ZSCAN1: variants seen among roughly 807,000 people sequenced by gnomAD.
The protein encoded by ZSCAN1 is zinc finger and SCAN domain-containing protein 1.
ZSCAN1 carries 23 observed loss-of-function variants against 23.8 expected under a neutral mutation model. The ratio of observed to expected loss-of-function variants is 0.97; its 90% CI spans 0.70 to 1.37. The LOEUF (loss-of-function observed/expected upper bound fraction) is 1.37. ZSCAN1 is among the 40% of genes most tolerant of loss of function. ZSCAN1 has a pLI of 0.00. For missense variants in ZSCAN1, 575 were observed against 554.0 expected, an observed-to-expected ratio of 1.04 and a Z score of -0.38; for synonymous variants, 236 against 232.3, an observed-to-expected ratio of 1.02 and a Z score of -0.15.
At chr19:58,035,942 TTTG>T (rs144639658) in intron 1 of ZSCAN1, 25 bp from the exon 2 acceptor site, 101,908 of 151,772 alleles carry the variant, frequency 0.67, 34,514 homozygotes, top group Non-Finnish European at 0.71. Flanking sequence ...GATGTCTTGT[TTTG>T]TTTTGTTTTT....
At position 58,045,502 on chromosome 19, in the gene ZSCAN1, G is replaced by C; in HGVS notation, c.465+4958G>C. On this transcript the variant is annotated intron_variant, in intron 4 of 5. Coordinates refer to ENST00000282326, the MANE Select transcript of ZSCAN1 (RefSeq NM_182572.4). The surrounding 1 kb of genome is among the most constrained non-coding windows in gnomAD (Gnocchi z 4.3). ...AGGCCCAGCAATGAGGAAATCATGG[G>C]TTTTTCCAAATTATTTGAGGATGAG... is the stretch of plus-strand genomic sequence containing the variant. The C allele has an allele frequency of 7.2e-7, 1 of 1,395,748 alleles. No individual in the cohort carries two copies. Among genetic ancestry groups the C allele is most frequent in the South Asian group, 1.2e-5 (1 of 86,760 alleles). 86.5% of individuals were successfully genotyped at this position (1,395,748 alleles called of 1,614,324 possible). A position where few individuals can be genotyped will look rare whatever the true frequency, so the allele number is the denominator to read the frequency against.
chr19:58,038,305 G>C, intron 3 of ZSCAN1, 99 bp downstream of exon 3: 1 of 1,467,590 alleles, frequency 6.8e-7, no homozygotes, highest in Non-Finnish European at 9.1e-7. Flanking sequence ...TCCCACCCCT[G>C]CCCGGCCCCT....
At chr19:58,055,883 T>C (rs944541147), downstream of ZSCAN1, among the ~76,000 whole-genome samples, 5 of 152,152 alleles carry the variant, frequency 3.3e-5, no homozygotes, top group African/African-American at 7.2e-5. Flanking sequence ...AGTTCTCCAA[T>C]TGAGTTTGTC....
rs369859464 is a variant in ZSCAN1, at chr19:58,038,027, G to T, written c.191G>T (p.Arg64Leu). The T allele has an allele frequency of 1.9e-6, 3 of 1,611,360 alleles. No individual in the cohort carries two copies. Among genetic ancestry groups the T allele is most frequent in the African/African-American group, 1.3e-5 (1 of 75,036 alleles). Residue 64 changes from arginine to leucine, a missense_variant, in exon 3 of 6, where the codon CGC (arginine) becomes CTC (leucine). Transcript: ENST00000282326. ...LALGQLWTLC[R>L]QWLRPEARSK... ...CTGGGCCAGCTCTGGACGCTGTGCCGCCAGTGGCTGAGGCCCGAGGCGCGC... is the reference window on the plus strand; with the variant it reads ...CTGGGCCAGCTCTGGACGCTGTGCCTCCAGTGGCTGAGGCCCGAGGCGCGC...
chr19:58,052,657 G>A (rs1417477177), intron 5 of ZSCAN1, 29 bp downstream of exon 5: 1 of 1,552,614 alleles, frequency 6.4e-7, no homozygotes, highest in African/African-American at 1.4e-5. Flanking sequence ...TGGATTAAGG[G>A]TTGGAAATGG....
rs571316366 is a variant in ZSCAN1 at position 58,042,337 on chromosome 19, A to G, written c.465+1793A>G. The stretch of plus-strand genomic sequence containing the variant: ...CAGTGGCGCGATCTCGGCTCACTGC[A>G]AGCTCTGCCTCCCGGGTTCACGCCA... On this transcript the variant is annotated intron_variant, in intron 4 of 5. Transcript: ENST00000282326. Among the ~76,000 whole-genome samples the G allele has an allele frequency of 1.1e-3, 163 of 151,672 alleles. 1 individual carries two copies. The highest frequency in any genetic ancestry group is 3.7e-3 in the African/African-American group (155 of 41,336).
At position 58,037,916 on chromosome 19, in the gene ZSCAN1, G is replaced by C; in HGVS notation, c.80G>C (p.Gly27Ala). ...PTPSEQDADP[G>A]PASPRDTEAQ... Reference sequence around the variant, plus strand: ...CCGAGTGAGCAGGACGCAGACCCTGGGCCAGCAAGCCCCAGGGACACCGAA... The same window carrying C: ...CCGAGTGAGCAGGACGCAGACCCTGCGCCAGCAAGCCCCAGGGACACCGAA... Residue 27 changes from glycine (G) to alanine (A), a missense_variant, in exon 3 of 6, where the codon GGG (glycine) becomes GCG (alanine). Gly to Ala is a moderately conservative substitution (Grantham distance 60, BLOSUM62 0). Coordinates refer to ENST00000282326, the MANE Select transcript of ZSCAN1 (RefSeq NM_182572.4). 6.3e-7 allele frequency: 1 copy of C among 1,599,322 alleles called. No individual in the cohort carries two copies. The highest frequency in any genetic ancestry group is 8.5e-7 in the Non-Finnish European group (1 of 1,177,934).
At chr19:58,039,600 C>G (rs1006363054) in intron 3 of ZSCAN1, among the ~76,000 whole-genome samples, 3 of 152,160 alleles carry the variant, frequency 2.0e-5, no homozygotes, top group East Asian at 3.9e-4. Flanking sequence ...AACTCCGTCT[C>G]TACTAAAAAT....
chr19:58,041,811 G>T (rs2073791383), intron 4 of ZSCAN1, among the ~76,000 whole-genome samples: 1 of 152,162 alleles, frequency 6.6e-6, no homozygotes, highest in Non-Finnish European at 1.5e-5. Context: ...AGGAGTTCAA[G>T]GCTGTAGTAA....
chr19:58,040,374 C>A lies in ZSCAN1; in HGVS notation c.371-76C>A, dbSNP rs896168181. The A allele has an allele frequency of 2.0e-6, 3 of 1,493,634 alleles. No homozygotes were observed. The highest frequency in any genetic ancestry group is 2.3e-5 in the South Asian group (2 of 87,390). 92.5% of individuals were successfully genotyped at this position (1,493,634 alleles called of 1,614,324 possible). A position where few individuals can be genotyped will look rare whatever the true frequency, so the allele number is the denominator to read the frequency against. ...TGCAGGGATGTTCGGGGAAAGTCTG[C>A]CCTCCCCAGAAGGCCTGGAGAATTG... On this transcript the variant is annotated intron_variant, in intron 3 of 5. Coordinates refer to ENST00000282326, the MANE Select transcript of ZSCAN1 (RefSeq NM_182572.4). The surrounding 1 kb of genome is among the most constrained non-coding windows in gnomAD (Gnocchi z 5.8).
At chr19:58,046,433 C>CGCA (rs1468376176) in intron 4 of ZSCAN1, 3 of 853,406 alleles carry the variant, frequency 3.5e-6, no homozygotes, top group Non-Finnish European at 6.2e-6. Context: ...GGCTTGATCT[C>CGCA]GCAGCTGGAG....
chr19:58,052,436 G>A (rs1051879709), intron 4 of ZSCAN1, 54 bp from the exon 5 acceptor site: 8 of 1,611,942 alleles, frequency 5.0e-6, no homozygotes, highest in East Asian at 4.5e-5. Context: ...GTGGTGGTGG[G>A]GAGGATGGCT....
chr19:58,047,023 C>T lies in ZSCAN1; in HGVS notation c.466-5467C>T, dbSNP rs549712493. Among the ~76,000 whole-genome samples, 46 of 152,342 alleles carry T rather than the reference C, an allele frequency of 3.0e-4. No homozygotes were observed. Among genetic ancestry groups the T allele is most frequent in the African/African-American group, 9.6e-4 (40 of 41,572 alleles). On this transcript the variant is annotated intron_variant, in intron 4 of 5. Transcript: ENST00000282326. The surrounding 1 kb of genome is among the most constrained non-coding windows in gnomAD (Gnocchi z 4.9). ...TGCCACGGCCTCCTGGCTCCAGAGG[C>T]GGCTGGGCCAAGGCAGGAAGGTGCC... is the stretch of plus-strand genomic sequence containing the variant.
chr19:58,046,423 G>A, intron 4 of ZSCAN1: 4 of 860,204 alleles, frequency 4.7e-6, no homozygotes, highest in South Asian at 1.3e-5. Flanking sequence ...GCAGATCAAC[G>A]GCTTGATCTC....
intron 2 of ZSCAN1, among the ~76,000 whole-genome samples, chr19:58,037,111 G>T (rs1263497430): frequency 6.6e-6 from 1 of 152,182 alleles, no homozygotes; most frequent in African/African-American, 2.4e-5. Flanking sequence ...AGACAGCAAA[G>T]ATAACACCAT....
rs139933196 is a variant in ZSCAN1, at chr19:58,042,061, C to T, written c.465+1517C>T. Reference sequence around the variant, plus strand: ...GGCTATGACCTAATGCTTGCTTGGACCAGTATAGGCACACCAGGGCAAATA... The same window carrying T: ...GGCTATGACCTAATGCTTGCTTGGATCAGTATAGGCACACCAGGGCAAATA... On this transcript the variant is annotated intron_variant, in intron 4 of 5. Coordinates refer to ENST00000282326, the MANE Select transcript of ZSCAN1 (RefSeq NM_182572.4). 2.6e-5 allele frequency among the ~76,000 whole-genome samples: 4 copies of T among 152,196 alleles called. No individual in the cohort carries two copies. The East Asian group carries it at 7.7e-4, about 29-fold the overall frequency.
At position 58,054,035 on chromosome 19, in the gene ZSCAN1, C is replaced by T. The variant is rs1429955815; in HGVS notation, c.1211C>T (p.Ala404Val). Residue 404 changes from alanine (A) to valine (V), a missense_variant, in exon 6 of 6, where the codon GCC becomes GTC. Ala to Val is a moderately conservative substitution (Grantham distance 64). Transcript: ENST00000282326. The surrounding 1 kb of genome is among the most constrained non-coding windows in gnomAD (Gnocchi z 4.2). ...HLIDHQKLHT[A>V]HGHM Reference sequence around the variant, plus strand: ...ATTGACCACCAGAAGCTCCACACGGCCCACGGCCACATGTGAATGGCCAGC... The same window carrying T: ...ATTGACCACCAGAAGCTCCACACGGTCCACGGCCACATGTGAATGGCCAGC... The T allele has an allele frequency of 6.6e-7, 1 of 1,521,700 alleles. No homozygotes were observed. Among genetic ancestry groups the T allele is most frequent in the East Asian group, 2.3e-5 (1 of 43,258 alleles). 94.3% of individuals were successfully genotyped at this position (1,521,700 alleles called of 1,614,324 possible).
chr19:58,054,265 G>C lies in ZSCAN1; in HGVS notation c.*214G>C, dbSNP rs2073878733. 1 of 586,228 alleles carries C rather than the reference G, an allele frequency of 1.7e-6. No homozygotes were observed. Among genetic ancestry groups the C allele is most frequent in the Admixed American group, 3.3e-5 (1 of 29,904 alleles). The allele number at this position is 586,228 out of a possible 1,614,324, so 36.3% of individuals were successfully genotyped here. ...CCAGGGTCTCAGCTGAGAAGCAGCA[G>C]TTCCACAGCACAGCCTGGTCAGTCC... On this transcript the variant is annotated 3_prime_UTR_variant, in exon 6 of 6. Transcript: ENST00000282326. The surrounding 1 kb of genome is among the most constrained non-coding windows in gnomAD (Gnocchi z 4.2).
chr19:58,038,539 G>A (rs905463703), intron 3 of ZSCAN1: 14 of 551,396 alleles, frequency 2.5e-5, no homozygotes, highest in Non-Finnish European at 4.1e-5. Flanking sequence ...CACCTGCAGC[G>A]CCTCCTGCAA....
Sources: allele counts gnomAD v4.1 joint callset (sites outside exome capture counted in the v4.1 genomes callset), GRCh38; gene constraint gnomAD v4.1.1; non-coding constraint Gnocchi (gnomAD v3.1); transcripts MANE v1.5; gene names NCBI Gene and HGNC (gene_info 2026-07-23, HGNC 2026-07-21).